The following TRIM35 variants were observed in gnomAD, a reference collection of about 807,000 sequenced individuals.
TRIM35 encodes tripartite motif containing 35, also known as E3 ubiquitin-protein ligase TRIM35.
A neutral mutation model predicts 49.1 loss-of-function variants in TRIM35; 37 were observed. The ratio of observed to expected loss-of-function variants is 0.75; its 90% CI spans 0.58 to 0.99. The LOEUF (loss-of-function observed/expected upper bound fraction) is 0.99, where lower values mean the gene tolerates loss of function less well. Ranked by LOEUF, TRIM35 falls within the 50% of genes least tolerant of loss-of-function variation. The pLI, the probability that TRIM35 is intolerant of heterozygous loss-of-function variation, is 0.00. For missense variants in TRIM35, 648 were observed against 702.7 expected, an observed-to-expected ratio of 0.92 and a Z score of 0.88; for synonymous variants, 302 against 289.3, an observed-to-expected ratio of 1.04 and a Z score of -0.45.
chr8:27,298,722 G>A (rs189482736), intron 1 of TRIM35, among the ~76,000 whole-genome samples, 163 bp from the exon 2 acceptor site: 7 of 152,314 alleles, frequency 4.6e-5, no homozygotes, highest in African/African-American at 1.7e-4. Context: ...GGCACAAATG[G>A]TAAGTAAGGT....
At position 27,287,485 on chromosome 8, in the gene TRIM35, G is replaced by A. The variant is rs1030152247; in HGVS notation, c.*65C>T. 6.9e-6 allele frequency: 10 copies of A among 1,457,918 alleles called. No individual in the cohort carries two copies. Among genetic ancestry groups the A allele is most frequent in the Non-Finnish European group, 9.2e-6 (10 of 1,092,212 alleles). 90.3% of individuals were successfully genotyped at this position (1,457,918 alleles called of 1,614,324 possible). On this transcript the variant is annotated 3_prime_UTR_variant, in exon 6 of 6. Transcript: ENST00000305364. This position sits in a 1 kb window ranked among gnomAD's most constrained non-coding sequence, Gnocchi z 6.0. ...GCGCAATAGTGCCCAAGCAGTGTGG[G>A]CATTAGGAAGAGGGCAGAAAGAAAA... is the stretch of plus-strand genomic sequence containing the variant.
In TRIM35 at chr8:27,310,810, G is replaced by A. The variant is rs762859668; in HGVS notation, c.426C>T (p.His142=). ...AAATCGCTGCTCTTACCCGAAAGTC[G>A]TGGGCAGTGTCCTTCACCGGCTGCA... ...HRVQPVKDTA[H]DFRAKCRNME... is the part of the protein sequence containing the mutation. Residue 142 remains histidine, a synonymous_variant, in exon 1 of 6, where the codon CAC becomes CAT. Coordinates refer to ENST00000305364, the MANE Select transcript of TRIM35 (RefSeq NM_171982.5). 7 of 1,594,162 alleles carry A rather than the reference G, an allele frequency of 4.4e-6. No individual in the cohort carries two copies. The highest frequency in any genetic ancestry group is 5.1e-6 in the Non-Finnish European group (6 of 1,166,662).
chr8:27,294,145 C>A lies in TRIM35; in HGVS notation c.697G>T (p.Val233Leu). Residue 233 changes from valine (V) to leucine (L), a missense_variant, in exon 3 of 6, where the codon GTG becomes TTG. Transcript: ENST00000305364. ...KMKQLTEETE[V>L]LAHEIERLQM... The stretch of plus-strand genomic sequence containing the variant: ...AGCCGCTCGATCTCATGTGCCAGCA[C>A]CTCCGTCTCCTCTGTGAGCTGCTTC... 6.2e-7 allele frequency: 1 copy of A among 1,614,236 alleles called. No individual in the cohort carries two copies. Among genetic ancestry groups the A allele is most frequent in the Non-Finnish European group, 8.5e-7 (1 of 1,180,042 alleles).
At chr8:27,306,394 C>T (rs903047950) in intron 1 of TRIM35, among the ~76,000 whole-genome samples, 19 of 149,456 alleles carry the variant, frequency 1.3e-4, no homozygotes, top group Non-Finnish European at 2.5e-4. Flanking sequence ...GGCACGATCT[C>T]GGCTCACTGC....
chr8:27,290,377 A>C (rs1187215657), intron 3 of TRIM35, among the ~76,000 whole-genome samples, 199 bp from the exon 4 acceptor site: 1 of 152,226 alleles, frequency 6.6e-6, no homozygotes, highest in Non-Finnish European at 1.5e-5. Context: ...CCAATGCGAC[A>C]GTGTTGGGAG....
intron 4 of TRIM35, 40 bp downstream of exon 4, chr8:27,290,116 C>T: frequency 6.2e-7 from 1 of 1,613,290 alleles, no homozygotes; most frequent in Non-Finnish European, 8.5e-7. Context: ...GGTATTTCTG[C>T]CCACTCTTCC....
In TRIM35 at chr8:27,310,995, T is replaced by G. The variant is rs142163721; in HGVS notation, c.241A>C (p.Lys81Gln). 2.5e-4 allele frequency: 407 copies of G among 1,611,826 alleles called. 1 individual carries two copies. In the African/African-American group the frequency reaches 5.0e-3, roughly 20 times the overall value. Residue 81 changes from lysine to glutamine, a missense_variant, in exon 1 of 6, where the codon AAG (lysine) becomes CAG (glutamine). Transcript: ENST00000305364. Reference protein sequence around the residue: ...TNHTLNNLVEKLLREEAEGAR... With the variant: ...TNHTLNNLVEQLLREEAEGAR... ...CCCTCGGCCTCCTCGCGCAGCAGCT[T>G]CTCCACCAGGTTGTTGAGGGTGTGG... is the stretch of plus-strand genomic sequence containing the variant.
At chr8:27,296,662 G>A (rs1415405969) in intron 2 of TRIM35, among the ~76,000 whole-genome samples, 1 of 152,202 alleles carries the variant, frequency 6.6e-6, no homozygotes, top group African/African-American at 2.4e-5. Flanking sequence ...TACAAGGCAA[G>A]CCAGTCATAT....
At chr8:27,297,251 C>T (rs1024220371) in intron 2 of TRIM35, among the ~76,000 whole-genome samples, 6 of 152,184 alleles carry the variant, frequency 3.9e-5, no homozygotes, top group African/African-American at 1.4e-4. Context: ...GAGGACAGCG[C>T]CCAGCAACCT....
intron 3 of TRIM35, among the ~76,000 whole-genome samples, 170 bp from the exon 4 acceptor site, chr8:27,290,348 T>C (rs1304841689): frequency 2.0e-5 from 3 of 152,204 alleles, no homozygotes; most frequent in Admixed American, 6.5e-5. Context: ...CAAAAGTTCA[T>C]GTGTTGAACA....
rs1051690566 is a variant in TRIM35, at chr8:27,285,255, T to G, written c.*2295A>C. 1 of 152,222 alleles carries G rather than the reference T, an allele frequency of 6.6e-6. No homozygotes were observed. The highest frequency in any genetic ancestry group is 2.4e-5 in the African/African-American group (1 of 41,434). 9.4% of individuals were successfully genotyped at this position (152,222 alleles called of 1,614,324 possible). A position where few individuals can be genotyped will look rare whatever the true frequency, so the allele number is the denominator to read the frequency against. ...TGGAGTCATCAGAACCCTCATGCCC[T>G]GTTGATGGGATATAAAATTGTGTCA... is the stretch of plus-strand genomic sequence containing the variant. On this transcript the variant is annotated 3_prime_UTR_variant, in exon 6 of 6. Coordinates refer to ENST00000305364, the MANE Select transcript of TRIM35 (RefSeq NM_171982.5).
intron 3 of TRIM35, among the ~76,000 whole-genome samples, chr8:27,292,011 A>T (rs1802466173): frequency 6.6e-6 from 1 of 152,242 alleles, no homozygotes; most frequent in Non-Finnish European, 1.5e-5. Flanking sequence ...TTGGGGATTA[A>T]GTTTGTAACA....
rs1248101381 is a variant in TRIM35, at chr8:27,285,197, T to G, written c.*2353A>C. 6.6e-6 allele frequency: 1 copy of G among 152,182 alleles called. No individual in the cohort carries two copies. Among genetic ancestry groups the G allele is most frequent in the Non-Finnish European group, 1.5e-5 (1 of 68,028 alleles). 9.4% of individuals were successfully genotyped at this position (152,182 alleles called of 1,614,324 possible). ...ATTACCCCTACTAGGATGGCTAAGT[T>G]AAAAGATAGATAATAAAAAGCACTG... On this transcript the variant is annotated 3_prime_UTR_variant, in exon 6 of 6. Coordinates refer to ENST00000305364, the MANE Select transcript of TRIM35 (RefSeq NM_171982.5).
intron 4 of TRIM35, 100 bp downstream of exon 4, chr8:27,290,056 C>T: frequency 7.2e-7 from 1 of 1,391,146 alleles, no homozygotes; most frequent in Non-Finnish European, 1.0e-6. Context: ...GCTGGTGCAC[C>T]CAGCTGGTTG....
At position 27,311,254 on chromosome 8, in the gene TRIM35, G is replaced by T; in HGVS notation, c.-19C>A. On this transcript the variant is annotated 5_prime_UTR_variant, in exon 1 of 6. Transcript: ENST00000305364. ...GCTCCATGGCACGAGCAGCCGGCTC[G>T]GGCGCCCGGAACTTTTGCTCCGGCC... The T allele has an allele frequency of 2.0e-6, 3 of 1,485,624 alleles. No individual in the cohort carries two copies. In the South Asian group the frequency reaches 4.1e-5, roughly 21 times the overall value. The allele number at this position is 1,485,624 out of a possible 1,614,324, so 92.0% of individuals were successfully genotyped here.
chr8:27,304,798 G>C (rs989772170), intron 1 of TRIM35: 1 of 456,698 alleles, frequency 2.2e-6, no homozygotes, highest in Non-Finnish European at 4.4e-6. Context: ...AGCTGGTTTG[G>C]AGCCTTGTCT....
intron 5 of TRIM35, among the ~76,000 whole-genome samples, chr8:27,288,864 C>T (rs1802393540): frequency 6.6e-6 from 1 of 152,212 alleles, no homozygotes; most frequent in Non-Finnish European, 1.5e-5. Flanking sequence ...GGTCTTTTAT[C>T]ATACAAAACA....
intron 2 of TRIM35, among the ~76,000 whole-genome samples, chr8:27,297,291 A>G (rs1374745521): frequency 6.6e-6 from 1 of 152,180 alleles, no homozygotes; most frequent in Non-Finnish European, 1.5e-5. Context: ...TGTGGCTAAG[A>G]TGAGTCTAAC....
intron 1 of TRIM35, among the ~76,000 whole-genome samples, chr8:27,308,173 T>C (rs56332219): frequency 0.055 from 8,359 of 152,260 alleles, 749 homozygotes; most frequent in African/African-American, 0.19. Context: ...ATTTTAGGAC[T>C]TCCAACCTCC....
Sources: allele counts gnomAD v4.1 joint callset (sites outside exome capture counted in the v4.1 genomes callset), GRCh38; gene constraint gnomAD v4.1.1; non-coding constraint Gnocchi (gnomAD v3.1); transcripts MANE v1.5; gene names NCBI Gene and HGNC (gene_info 2026-07-23, HGNC 2026-07-21).